CUX2: variants seen among roughly 807,000 people sequenced by gnomAD.
CUX2 encodes homeobox protein cut-like 2.
In CUX2, 40 loss-of-function variants were observed where a neutral mutation model predicts 144.8. That is an observed-to-expected ratio of 0.28 (90% CI 0.21 to 0.36). CUX2 has a LOEUF of 0.36. CUX2 is among the 10% of genes least tolerant of loss of function. The pLI is 1.00. For missense variants in CUX2, 1,615 were observed against 1,994.0 expected (o/e 0.81, Z 3.62); for synonymous variants, 827 against 875.6 (o/e 0.94, Z 0.98).
rs1885810924 is a variant in CUX2, at chr12:111,293,609, G to C, written c.560+40G>C. On this transcript the variant is annotated intron_variant, in intron 6 of 21. Coordinates refer to ENST00000261726, the MANE Select transcript of CUX2 (RefSeq NM_015267.4). The surrounding 1 kb of genome is among the most constrained non-coding windows in gnomAD (Gnocchi z 4.5). ...GTGGGTGGGAGGGAGGAAGGAATGG[G>C]CAGGGCTCCTGCTGCCCCACCTGGC... 4.5e-6 allele frequency: 7 copies of C among 1,547,528 alleles called. No homozygotes were observed. The South Asian group carries it at 7.2e-5, about 16-fold the overall frequency.
chr12:111,111,946 G>C (rs1304829129), intron 1 of CUX2, among the ~76,000 whole-genome samples: 1 of 152,108 alleles, frequency 6.6e-6, no homozygotes, highest in Admixed American at 6.5e-5. Flanking sequence ...TTCCCTCAAA[G>C]AACCCACAGA....
At chr12:111,299,781 C>G (rs935987493) in intron 9 of CUX2, among the ~76,000 whole-genome samples, 2 of 152,222 alleles carry the variant, frequency 1.3e-5, no homozygotes, top group Admixed American at 1.3e-4. Context: ...AAGTCCAGCT[C>G]TCCTCCGAGT....
intron 3 of CUX2, among the ~76,000 whole-genome samples, chr12:111,261,667 G>A (rs768965519): frequency 5.3e-5 from 8 of 152,244 alleles, no homozygotes; most frequent in Middle Eastern, 3.4e-3. Context: ...GTGGGAGGCC[G>A]AGGTGGGCAG....
chr12:111,313,236 T>C (rs1276137623), intron 16 of CUX2, among the ~76,000 whole-genome samples: 1 of 150,886 alleles, frequency 6.6e-6, no homozygotes, highest in Non-Finnish European at 1.5e-5. Context: ...TAATTTTTTT[T>C]TTTTTTGTAT....
In CUX2 at chr12:111,217,817, C is replaced by T. The variant is rs1881629392; in HGVS notation, c.175-73C>T. ...GGAAATGCTGAGCCAGGGACAGCAG[C>T]GAGCTACAAGCAGGGGCCACGGGGG... On this transcript the variant is annotated intron_variant, in intron 2 of 21. Coordinates refer to ENST00000261726, the MANE Select transcript of CUX2 (RefSeq NM_015267.4). 1.0e-5 allele frequency: 15 copies of T among 1,484,306 alleles called. 1 individual carries two copies. The highest frequency in any genetic ancestry group is 7.9e-5 in the South Asian group (7 of 88,292). 91.9% of individuals were successfully genotyped at this position (1,484,306 alleles called of 1,614,324 possible).
At chr12:111,140,719 A>G (rs554734293) in intron 1 of CUX2, among the ~76,000 whole-genome samples, 2 of 152,236 alleles carry the variant, frequency 1.3e-5, no homozygotes, top group East Asian at 1.9e-4. Flanking sequence ...CCCTTGTCAC[A>G]CTCCAGTTGT....
At chr12:111,232,119 A>G (rs1443023034) in intron 3 of CUX2, among the ~76,000 whole-genome samples, 1 of 152,102 alleles carries the variant, frequency 6.6e-6, no homozygotes. Flanking sequence ...ATGACACTCA[A>G]TCAGTGTCAT....
chr12:111,187,413 C>G (rs1379441224), intron 1 of CUX2, among the ~76,000 whole-genome samples: 1 of 152,152 alleles, frequency 6.6e-6, no homozygotes, highest in Admixed American at 6.5e-5. Flanking sequence ...CCATGACCCT[C>G]CCCTGGCCCC....
intron 1 of CUX2, among the ~76,000 whole-genome samples, chr12:111,195,478 C>T (rs895418169): frequency 1.3e-4 from 20 of 152,352 alleles, no homozygotes; most frequent in African/African-American, 3.1e-4. Context: ...CACCAGCCTC[C>T]GGTGTGAGAT....
intron 3 of CUX2, among the ~76,000 whole-genome samples, chr12:111,225,230 G>C (rs1882072498): frequency 6.6e-6 from 1 of 152,238 alleles, no homozygotes; most frequent in South Asian, 2.1e-4. Context: ...CACATGGTGA[G>C]TGTTCAGTGA....
intron 2 of CUX2, among the ~76,000 whole-genome samples, chr12:111,214,564 TC>T (rs1161147853): frequency 6.6e-6 from 1 of 152,064 alleles, no homozygotes; most frequent in Admixed American, 6.6e-5. Flanking sequence ...ACATCCATTT[TC>T]CCCCAACATT....
Position 111,347,993 on chromosome 12 carries a change from C to G in CUX2, c.4129C>G (p.Pro1377Ala). Residue 1377 changes from proline to alanine, a missense_variant, in exon 22 of 22, where the codon CCT becomes GCT. Physicochemically the swap from Pro to Ala is conservative, Grantham distance 27 (BLOSUM62 -1). This residue lies in a region of CUX2 where 298 missense variants were observed against 330.4 expected (regional missense o/e 0.90). Coordinates refer to ENST00000261726, the MANE Select transcript of CUX2 (RefSeq NM_015267.4). ...GGCCGGGGAGCGACTTCACCCGGAC[C>G]CTTTAAGTTTTAAGTCAGCCTCAGA... Reference protein sequence around the residue: ...SEAGERLHPDPLSFKSASESS... With the variant: ...SEAGERLHPDALSFKSASESS... The G allele has an allele frequency of 1.2e-6, 2 of 1,614,130 alleles. No individual in the cohort carries two copies. The highest frequency in any genetic ancestry group is 8.5e-7 in the Non-Finnish European group (1 of 1,180,016).
rs1373145829 is a variant in CUX2 at position 111,312,011 on chromosome 12, G to A, written c.1901-89G>A. The A allele has an allele frequency of 1.9e-6, 2 of 1,068,216 alleles. No individual in the cohort carries two copies. The highest frequency in any genetic ancestry group is 3.2e-5 in the African/African-American group (2 of 63,064). The allele number at this position is 1,068,216 out of a possible 1,614,324, so 66.2% of individuals were successfully genotyped here. On this transcript the variant is annotated intron_variant, in intron 15 of 21. Transcript: ENST00000261726. This position sits in a 1 kb window ranked among gnomAD's most constrained non-coding sequence, Gnocchi z 4.3. ...GATGGTCTGACCCTCACTCTTCTGG[G>A]AGGAGGAGACAGCCCCCCTACCCCA...
intron 4 of CUX2, among the ~76,000 whole-genome samples, chr12:111,276,643 G>GTTTGTTTGT (rs1555210855): frequency 1.3e-5 from 2 of 150,988 alleles, no homozygotes; most frequent in African/African-American, 4.9e-5. Context: ...TTGTTTGTTT[G>GTTTGTTTGT]TTTGTTTTGT....
Position 111,282,106 on chromosome 12 carries a change from G to A in CUX2, c.302-9312G>A, listed in dbSNP as rs190800493. Among the ~76,000 whole-genome samples the A allele has an allele frequency of 3.0e-3, 457 of 152,130 alleles. 3 individuals are homozygous for A. Among genetic ancestry groups the A allele is most frequent in the African/African-American group, 0.01 (435 of 41,498 alleles). ...GGAGGCTGAGGCAGGTGGATCACGA[G>A]GTCAGGAGATGGAGACCATCCTGGC... is the stretch of plus-strand genomic sequence containing the variant. On this transcript the variant is annotated intron_variant, in intron 4 of 21. Transcript: ENST00000261726.
At chr12:111,189,031 A>G (rs1180733709) in intron 1 of CUX2, among the ~76,000 whole-genome samples, 1 of 152,112 alleles carries the variant, frequency 6.6e-6, no homozygotes, top group Admixed American at 6.5e-5. Context: ...CAAAATCCCA[A>G]CACTTTGGGA....
At chr12:111,053,762 T>C (rs911483855) in intron 1 of CUX2, among the ~76,000 whole-genome samples, 8 of 152,250 alleles carry the variant, frequency 5.3e-5, no homozygotes, top group African/African-American at 1.9e-4. Flanking sequence ...TGGTCTCCCG[T>C]ATCAGACGGT....
At chr12:111,164,051 G>A (rs1489696826) in intron 1 of CUX2, among the ~76,000 whole-genome samples, 1 of 152,140 alleles carries the variant, frequency 6.6e-6, no homozygotes, top group Non-Finnish European at 1.5e-5. Flanking sequence ...AAGATTAAAT[G>A]GATTAATATC....
chr12:111,259,181 TG>T (rs1883987923), intron 3 of CUX2, among the ~76,000 whole-genome samples: 1 of 152,084 alleles, frequency 6.6e-6, no homozygotes, highest in Non-Finnish European at 1.5e-5. Context: ...AGATTATAGG[TG>T]TGAGCCACTG....
Sources: allele counts gnomAD v4.1 joint callset (sites outside exome capture counted in the v4.1 genomes callset), GRCh38; gene constraint gnomAD v4.1.1; regional missense constraint gnomAD v4.1.1; non-coding constraint Gnocchi (gnomAD v3.1); transcripts MANE v1.5; gene names NCBI Gene and HGNC (gene_info 2026-07-23, HGNC 2026-07-21).